Variants in KCNQ5 observed in about 807,000 individuals in gnomAD.
KCNQ5 encodes the protein potassium voltage-gated channel subfamily Q member 5.
Under a neutral mutation model 98.2 loss-of-function variants are expected in KCNQ5, and 30 were observed. That is an observed-to-expected ratio of 0.31 (90% confidence interval 0.23 to 0.41). KCNQ5 has a LOEUF of 0.41. KCNQ5 is among the 10% of genes least tolerant of loss of function. The pLI is 1.00. For missense variants in KCNQ5, 835 were observed against 1,182.5 expected (o/e 0.71, Z 4.31); for synonymous variants, 458 against 449.4 (o/e 1.02, Z -0.24).
chr6:72,701,199 G>A (rs942951698), intron 1 of KCNQ5, among the ~76,000 whole-genome samples: 13 of 152,176 alleles, frequency 8.5e-5, no homozygotes, highest in African/African-American at 1.4e-4. Flanking sequence ...GTAAAAGGAT[G>A]TTTAATTAAA....
chr6:73,120,651 AC>A (rs1346914682), intron 8 of KCNQ5, 74 bp downstream of exon 8: 2 of 911,440 alleles, frequency 2.2e-6, no homozygotes, highest in Non-Finnish European at 3.4e-6. Flanking sequence ...ACCCACACAC[AC>A]AAAAAAAGGT....
chr6:72,840,797 C>T (rs1776755733), intron 1 of KCNQ5, among the ~76,000 whole-genome samples: 1 of 152,164 alleles, frequency 6.6e-6, no homozygotes, highest in South Asian at 2.1e-4. Flanking sequence ...GATCCACGGA[C>T]TAGGCAGTGG....
intron 3 of KCNQ5, among the ~76,000 whole-genome samples, chr6:73,070,697 A>G (rs1364531527): frequency 6.6e-6 from 1 of 152,198 alleles, no homozygotes; most frequent in African/African-American, 2.4e-5. Flanking sequence ...GATAAGCCAT[A>G]TGTGCTTGCC....
chr6:73,078,101 G>C (rs937728909), intron 5 of KCNQ5, among the ~76,000 whole-genome samples: 26 of 151,296 alleles, frequency 1.7e-4, no homozygotes, highest in Non-Finnish European at 3.4e-4. Flanking sequence ...TATTTCTTGA[G>C]TGCTAGATTG....
Position 72,703,734 on chromosome 6 carries a change from C to T in KCNQ5, c.398+81147C>T, listed in dbSNP as rs138322346. On this transcript the variant is annotated intron_variant, in intron 1 of 13. Transcript: ENST00000370398. ...TTTTAAAAAAACATTTTCCATTTAT[C>T]GAATTCTATTTGTGATATGTGCTTC... 1.4e-3 allele frequency among the ~76,000 whole-genome samples: 212 copies of T among 152,152 alleles called. 1 individual carries two copies. The highest frequency in any genetic ancestry group is 4.8e-3 in the African/African-American group (200 of 41,520).
At chr6:73,185,493 C>T (rs1778539574) in intron 11 of KCNQ5, among the ~76,000 whole-genome samples, 1 of 152,128 alleles carries the variant, frequency 6.6e-6, no homozygotes, top group Non-Finnish European at 1.5e-5. Context: ...AAAGAAGTGA[C>T]TTTAAAACAG....
intron 1 of KCNQ5, among the ~76,000 whole-genome samples, chr6:72,975,545 C>A (rs1047359157): frequency 6.6e-6 from 1 of 152,172 alleles, no homozygotes; most frequent in Admixed American, 6.5e-5. Context: ...AAACATCTGT[C>A]TTCTCTATTC....
chr6:73,100,685 A>G (rs1774737019), intron 5 of KCNQ5, among the ~76,000 whole-genome samples: 1 of 151,944 alleles, frequency 6.6e-6, no homozygotes, highest in African/African-American at 2.4e-5. Context: ...GAAAAAAAAA[A>G]AAGATAAACA....
intron 7 of KCNQ5, among the ~76,000 whole-genome samples, chr6:73,116,102 A>T (rs562352601): frequency 2.0e-5 from 3 of 152,232 alleles, no homozygotes; most frequent in Admixed American, 2.0e-4. Context: ...TAGGGCAATT[A>T]TAACTCCAAA....
chr6:72,750,044 G>A lies in KCNQ5; in HGVS notation c.398+127457G>A, dbSNP rs1365820720. On this transcript the variant is annotated intron_variant, in intron 1 of 13. Transcript: ENST00000370398. ...GGAATTCAAATTTCATAAAACCGTG[G>A]TCTGTATATCTTGTTATCAAAATGC... is the stretch of plus-strand genomic sequence containing the variant. 2.0e-5 allele frequency among the ~76,000 whole-genome samples: 3 copies of A among 152,072 alleles called. 1 individual carries two copies. In the South Asian group the frequency reaches 6.2e-4, roughly 31 times the overall value.
chr6:72,995,126 T>G (rs943115318), intron 1 of KCNQ5, among the ~76,000 whole-genome samples: 1 of 152,172 alleles, frequency 6.6e-6, no homozygotes, highest in African/African-American at 2.4e-5. Context: ...CCCAGCACTT[T>G]GGGAAGCCAA....
At chr6:72,836,605 AT>A (rs539753241) in intron 1 of KCNQ5, among the ~76,000 whole-genome samples, 14 of 148,044 alleles carry the variant, frequency 9.5e-5, no homozygotes, top group Admixed American at 2.0e-4. Flanking sequence ...CACTCTGCTA[AT>A]TTTTTTTTTT....
chr6:73,101,586 C>G (rs1774775483), intron 5 of KCNQ5, among the ~76,000 whole-genome samples: 1 of 152,086 alleles, frequency 6.6e-6, no homozygotes, highest in Non-Finnish European at 1.5e-5. Flanking sequence ...ATACAAAAAT[C>G]AGCAGCATTT....
At chr6:73,076,100 A>AC (rs1004985607) in intron 3 of KCNQ5, among the ~76,000 whole-genome samples, 29 of 151,170 alleles carry the variant, frequency 1.9e-4, no homozygotes, top group Admixed American at 1.3e-3. Context: ...CCAACAACTG[A>AC]CCCCCCCTCT....
chr6:72,820,545 G>A (rs1775705641), intron 1 of KCNQ5, among the ~76,000 whole-genome samples: 1 of 151,774 alleles, frequency 6.6e-6, no homozygotes, highest in Non-Finnish European at 1.5e-5. Context: ...CCAAAAAGTA[G>A]GTGTGTTCTT....
chr6:72,776,675 T>C (rs1205639250), intron 1 of KCNQ5, among the ~76,000 whole-genome samples: 1 of 152,136 alleles, frequency 6.6e-6, no homozygotes, highest in African/African-American at 2.4e-5. Flanking sequence ...AATAAATTTG[T>C]GGGAGAGCTG....
intron 1 of KCNQ5, among the ~76,000 whole-genome samples, chr6:72,662,074 C>G (rs983930158): frequency 3.9e-5 from 6 of 152,062 alleles, no homozygotes; most frequent in Non-Finnish European, 8.8e-5. Flanking sequence ...TTGGCATAAT[C>G]TTTCTTCTTA....
chr6:73,041,683 C>T (rs948604472), intron 2 of KCNQ5, among the ~76,000 whole-genome samples: 1 of 152,134 alleles, frequency 6.6e-6, no homozygotes, highest in Admixed American at 6.5e-5. Context: ...AGTATTGAAA[C>T]TGACTCCCAA....
At chr6:72,752,961 C>G (rs752812948) in intron 1 of KCNQ5, among the ~76,000 whole-genome samples, 2 of 152,046 alleles carry the variant, frequency 1.3e-5, no homozygotes, top group African/African-American at 2.4e-5. Flanking sequence ...ATTGTATACC[C>G]ATTGTCAATG....
Sources: allele counts gnomAD v4.1 joint callset (sites outside exome capture counted in the v4.1 genomes callset), GRCh38; gene constraint gnomAD v4.1.1; transcripts MANE v1.5; gene names NCBI Gene and HGNC (gene_info 2026-07-23, HGNC 2026-07-21).